TACR3: variants seen among roughly 807,000 people sequenced by gnomAD.
TACR3 encodes the protein tachykinin receptor 3.
Under a neutral mutation model 35.0 loss-of-function variants are expected in TACR3, and 34 were observed. The observed-to-expected ratio is 0.97, with a 90% CI of 0.74 to 1.30. The LOEUF is 1.30. Ranked by LOEUF, TACR3 falls within the 50% of genes most tolerant of loss-of-function variation. TACR3 has a pLI of 0.00. For missense variants in TACR3, 558 were observed against 591.7 expected (o/e 0.94, Z 0.59); for synonymous variants, 233 against 221.1 (o/e 1.05, Z -0.48).
At chr4:103,661,660 G>C (rs1048619801) in intron 1 of TACR3, among the ~76,000 whole-genome samples, 6 of 152,004 alleles carry the variant, frequency 3.9e-5, no homozygotes, top group Admixed American at 6.6e-5. Flanking sequence ...GCTAGAGAAG[G>C]TATTTTCTGA....
At chr4:103,606,851 A>C (rs1318902372) in intron 3 of TACR3, among the ~76,000 whole-genome samples, 1 of 152,186 alleles carries the variant, frequency 6.6e-6, no homozygotes, top group Admixed American at 6.5e-5. Context: ...AGAACTTCCA[A>C]CACTATGTTG....
At chr4:103,673,765 G>A (rs1726102023) in intron 1 of TACR3, among the ~76,000 whole-genome samples, 1 of 152,088 alleles carries the variant, frequency 6.6e-6, no homozygotes, top group South Asian at 2.1e-4. Flanking sequence ...GTGTAATAAA[G>A]CATAGTGAGA....
At chr4:103,627,024 A>T (rs190442003) in intron 3 of TACR3, among the ~76,000 whole-genome samples, 24 of 150,686 alleles carry the variant, frequency 1.6e-4, no homozygotes, top group South Asian at 2.1e-4. Flanking sequence ...AATAAATAAA[A>T]AAAAAAAATT....
rs200763921 is a variant in TACR3, at chr4:103,612,504, C to CT, written c.889-20822dup. On this transcript the variant is annotated intron_variant, in intron 3 of 4. Coordinates refer to ENST00000304883, the MANE Select transcript of TACR3 (RefSeq NM_001059.3). ...GCTTAAATGCAAATCCCATGAAGTT[C>CT]TTTTTTTTTTTTCTTGTGGTTATTT... 4.3e-3 allele frequency among the ~76,000 whole-genome samples: 632 copies of CT among 145,956 alleles called. 6 individuals are homozygous for CT. The highest frequency in any genetic ancestry group is 7.9e-3 in the Admixed American group (115 of 14,538).
chr4:103,614,849 T>TTAG (rs1724598491), intron 3 of TACR3, among the ~76,000 whole-genome samples: 1 of 150,098 alleles, frequency 6.7e-6, no homozygotes, highest in African/African-American at 2.4e-5. Context: ...ATATTTTAAA[T>TTAG]CATTAGCACT....
chr4:103,658,432 T>C, intron 1 of TACR3, 29 bp from the exon 2 acceptor site: 4 of 1,591,910 alleles, frequency 2.5e-6, no homozygotes, highest in South Asian at 2.2e-5. Context: ...AACCATTTCA[T>C]TGGTTTTCTT....
intron 1 of TACR3, among the ~76,000 whole-genome samples, chr4:103,685,268 T>C (rs1031980699): frequency 2.0e-5 from 3 of 152,250 alleles, no homozygotes; most frequent in Non-Finnish European, 2.9e-5. Flanking sequence ...GAATAGTTGA[T>C]AGTATTTTCA....
intron 3 of TACR3, among the ~76,000 whole-genome samples, chr4:103,642,208 ATATT>A (rs1261297797): frequency 6.6e-6 from 1 of 151,004 alleles, no homozygotes; most frequent in African/African-American, 2.4e-5. Context: ...ATGGATATAC[ATATT>A]TATATATATA....
intron 3 of TACR3, among the ~76,000 whole-genome samples, chr4:103,614,950 A>C (rs547016474): frequency 1.5e-4 from 18 of 119,772 alleles, no homozygotes; most frequent in African/African-American, 5.7e-4. Context: ...TCTGGAGTGC[A>C]GTGGCGCGAT....
rs1189367411 is a variant in TACR3 at position 103,650,745 on chromosome 4, AATAT to A, written c.888+5445_888+5448del. Among the ~76,000 whole-genome samples, 2 of 88,546 alleles carry A rather than the reference AATAT, an allele frequency of 2.3e-5. 1 individual carries two copies. The highest frequency in any genetic ancestry group is 4.0e-5 in the Non-Finnish European group (2 of 50,396). The allele number at this position is 88,546 out of a possible 152,430, so 58.1% of individuals were successfully genotyped here. On this transcript the variant is annotated intron_variant, in intron 3 of 4. Coordinates refer to ENST00000304883, the MANE Select transcript of TACR3 (RefSeq NM_001059.3). ...AATAAATATATATTATATCATATAT[AATAT>A]ATATATTATATATGATGTATATAAT...
chr4:103,665,249 CTA>C (rs1388810591), intron 1 of TACR3, among the ~76,000 whole-genome samples: 1 of 151,728 alleles, frequency 6.6e-6, no homozygotes, highest in Non-Finnish European at 1.5e-5. Context: ...TCATATATGA[CTA>C]TGACTATTCA....
At chr4:103,697,957 G>A (rs922894962) in intron 1 of TACR3, among the ~76,000 whole-genome samples, 1 of 152,114 alleles carries the variant, frequency 6.6e-6, no homozygotes, top group Non-Finnish European at 1.5e-5. Flanking sequence ...GGTGAACGGG[G>A]ATTGCCAGTA....
At chr4:103,591,789 C>T (rs1578215959) in intron 3 of TACR3, 106 bp from the exon 4 acceptor site, 1 of 1,079,730 alleles carries the variant, frequency 9.3e-7, no homozygotes, top group South Asian at 1.4e-5. Context: ...ACACATCATG[C>T]CTAGGGAATA....
At chr4:103,689,320 C>T (rs973783826) in intron 1 of TACR3, among the ~76,000 whole-genome samples, 1 of 151,464 alleles carries the variant, frequency 6.6e-6, no homozygotes, top group Admixed American at 6.6e-5. Flanking sequence ...TTAGTGGGTG[C>T]AGCGCACCAG....
chr4:103,603,635 G>T (rs193129905), intron 3 of TACR3, among the ~76,000 whole-genome samples: 1 of 152,136 alleles, frequency 6.6e-6, no homozygotes, highest in Non-Finnish European at 1.5e-5. Context: ...ATAAACATAC[G>T]TGTGCATGTG....
chr4:103,657,598 T>C (rs1171450800), intron 2 of TACR3, among the ~76,000 whole-genome samples: 1 of 152,054 alleles, frequency 6.6e-6, no homozygotes, highest in Non-Finnish European at 1.5e-5. Context: ...AAATAAAATT[T>C]AAGATTATAA....
chr4:103,595,551 A>G (rs188590600), intron 3 of TACR3, among the ~76,000 whole-genome samples: 3 of 152,210 alleles, frequency 2.0e-5, no homozygotes, highest in East Asian at 3.9e-4. Context: ...ATTTTTGTAT[A>G]CCGTACAGAT....
At chr4:103,624,929 G>GTGAA (rs1392881487) in intron 3 of TACR3, among the ~76,000 whole-genome samples, 1 of 152,052 alleles carries the variant, frequency 6.6e-6, no homozygotes, top group Non-Finnish European at 1.5e-5. Flanking sequence ...AAAAGTGTGG[G>GTGAA]TGAATGGTCT....
intron 1 of TACR3, among the ~76,000 whole-genome samples, chr4:103,715,683 T>A (rs1421034229): frequency 1.3e-5 from 2 of 152,310 alleles, no homozygotes; most frequent in Admixed American, 6.5e-5. Context: ...ATTTACTATA[T>A]GTTATAATAA....
Sources: allele counts gnomAD v4.1 joint callset (sites outside exome capture counted in the v4.1 genomes callset), GRCh38; gene constraint gnomAD v4.1.1; transcripts MANE v1.5; gene names NCBI Gene and HGNC (gene_info 2026-07-23, HGNC 2026-07-21).